The following PLEKHA5 variants were observed in gnomAD, a reference collection of about 807,000 sequenced individuals.
The protein encoded by PLEKHA5 is pleckstrin homology domain containing A5, also known as pleckstrin homology domain-containing family A member 5.
Under a neutral mutation model 181.9 loss-of-function variants are expected in PLEKHA5, and 55 were observed. The observed-to-expected ratio is 0.30, with a 90% CI of 0.24 to 0.38. The LOEUF is 0.38. Ranked by LOEUF, PLEKHA5 falls within the 10% of genes least tolerant of loss-of-function variation. The pLI, the probability that PLEKHA5 is intolerant of heterozygous loss-of-function variation, is 1.00. For synonymous variants in PLEKHA5, 535 were observed against 529.4 expected, an observed-to-expected ratio of 1.01 and a Z score of -0.15; for missense variants, 1,432 against 1,549.5, an observed-to-expected ratio of 0.92 and a Z score of 1.27.
intron 29 of PLEKHA5, among the ~76,000 whole-genome samples, chr12:19,362,850 T>TAC (rs2095298009): frequency 6.6e-6 from 1 of 152,064 alleles, no homozygotes; most frequent in Non-Finnish European, 1.5e-5. Context: ...CATCACTGCC[T>TAC]ATGCAGTCGG....
intron 15 of PLEKHA5, among the ~76,000 whole-genome samples, chr12:19,292,333 G>A (rs2078663238): frequency 6.6e-6 from 1 of 152,032 alleles, no homozygotes; most frequent in Admixed American, 6.5e-5. Context: ...TTGAACCCGG[G>A]AGGTGGAGGT....
intron 26 of PLEKHA5, among the ~76,000 whole-genome samples, chr12:19,355,665 T>C (rs1408073800): frequency 2.0e-5 from 3 of 152,016 alleles, no homozygotes; most frequent in Non-Finnish European, 2.9e-5. Flanking sequence ...ATGTTTTCAA[T>C]TAGTACAAAA....
intron 20 of PLEKHA5, among the ~76,000 whole-genome samples, chr12:19,326,302 A>T (rs2092074738): frequency 6.6e-6 from 1 of 152,356 alleles, no homozygotes; most frequent in Admixed American, 6.5e-5. Flanking sequence ...CATACTGGGC[A>T]TATGGTTGGC....
intron 3 of PLEKHA5, 62 bp from the exon 4 acceptor site, chr12:19,253,878 C>A: frequency 1.0e-6 from 1 of 977,198 alleles, no homozygotes; most frequent in Non-Finnish European, 1.6e-6. Context: ...ACTAATGTTA[C>A]AATAAATAAA....
intron 3 of PLEKHA5, among the ~76,000 whole-genome samples, chr12:19,226,604 A>G (rs2059728657): frequency 6.6e-6 from 1 of 152,166 alleles, no homozygotes; most frequent in South Asian, 2.1e-4. Flanking sequence ...TTCCAAATTA[A>G]ATTGTGAACA....
intron 3 of PLEKHA5, among the ~76,000 whole-genome samples, chr12:19,149,148 A>G (rs138612760): frequency 1.4e-4 from 22 of 152,320 alleles, no homozygotes; most frequent in African/African-American, 5.3e-4. Context: ...GAGACAATTA[A>G]TATATTATCA....
At chr12:19,354,574 G>A (rs563710581) in intron 26 of PLEKHA5, among the ~76,000 whole-genome samples, 8 of 147,440 alleles carry the variant, frequency 5.4e-5, no homozygotes, top group African/African-American at 7.5e-5. Flanking sequence ...TCTGCCTCCC[G>A]GGTTCACACC....
Position 19,368,956 on chromosome 12 carries a change from A to C in PLEKHA5, c.3755-737A>C, listed in dbSNP as rs200580468. Among the ~76,000 whole-genome samples, 4 of 4,680 alleles carry C rather than the reference A, an allele frequency of 8.5e-4. No individual in the cohort carries two copies. In the Non-Finnish European group the frequency reaches 0.25, roughly 292 times the overall value. 3.1% of individuals were successfully genotyped at this position (4,680 alleles called of 152,430 possible). On this transcript the variant is annotated intron_variant, in intron 30 of 31. Coordinates refer to ENST00000429027, the MANE Select transcript of PLEKHA5 (RefSeq NM_001256470.2). ...CCATAGTATTTAGCTGCATAGAACT[A>C]AAAAAAGTTCCAACAGAAAATTAAC... is the stretch of plus-strand genomic sequence containing the variant.
At chr12:19,304,583 A>G (rs2082593861) in intron 15 of PLEKHA5, among the ~76,000 whole-genome samples, 1 of 152,208 alleles carries the variant, frequency 6.6e-6, no homozygotes, top group African/African-American at 2.4e-5. Context: ...ATGCCAGGAT[A>G]GGACCATGGT....
chr12:19,140,033 T>A (rs1442675261), intron 3 of PLEKHA5, among the ~76,000 whole-genome samples: 1 of 152,180 alleles, frequency 6.6e-6, no homozygotes, highest in African/African-American at 2.4e-5. Context: ...GGCAAGGTCT[T>A]CCAATTAGTC....
intron 29 of PLEKHA5, among the ~76,000 whole-genome samples, chr12:19,364,434 C>T (rs890280658): frequency 5.3e-5 from 8 of 151,710 alleles, no homozygotes; most frequent in African/African-American, 1.9e-4. Context: ...TTGCTTGAGC[C>T]AGGGAGGCGG....
Position 19,274,745 on chromosome 12 carries a change from TATGAGAGTGGGTCAG to T in PLEKHA5, c.1076_1090del (p.Tyr359_Ala364delinsSer), listed in dbSNP as rs1565551415. The T allele has an allele frequency of 6.2e-7, 1 of 1,613,992 alleles. No individual in the cohort carries two copies. The highest frequency in any genetic ancestry group is 8.5e-7 in the Non-Finnish European group (1 of 1,179,974). On this transcript the variant is annotated inframe_deletion, in exon 11 of 32. Coordinates refer to ENST00000429027, the MANE Select transcript of PLEKHA5 (RefSeq NM_001256470.2). ...AAAGCTGAATTCTCTGCCATCTGAA[TATGAGAGTGGGTCAG>T]CATGCCCTGCTCAGACTGTGCACTA...
chr12:19,285,926 A>T (rs2077124596), intron 12 of PLEKHA5, among the ~76,000 whole-genome samples: 1 of 152,220 alleles, frequency 6.6e-6, no homozygotes, highest in Non-Finnish European at 1.5e-5. Flanking sequence ...TTTATTGTGA[A>T]ACATATTTTT....
At chr12:19,290,090 G>A (rs960938476) in intron 13 of PLEKHA5, among the ~76,000 whole-genome samples, 2 of 151,834 alleles carry the variant, frequency 1.3e-5, no homozygotes, top group African/African-American at 4.8e-5. Flanking sequence ...TTACAGTTGC[G>A]TGCCACCATG....
At chr12:19,259,927 A>T (rs1423716619) in intron 6 of PLEKHA5, among the ~76,000 whole-genome samples, 1 of 152,076 alleles carries the variant, frequency 6.6e-6, no homozygotes, top group Non-Finnish European at 1.5e-5. Flanking sequence ...TTTAGAAATA[A>T]TCAATGCACA....
chr12:19,352,560 C>A, intron 25 of PLEKHA5, among the ~76,000 whole-genome samples: 1 of 141,448 alleles, frequency 7.1e-6, no homozygotes, highest in Admixed American at 7.4e-5. Context: ...AGAGATGTAT[C>A]AGTATGACAA....
At chr12:19,358,834 G>A (rs1323219534) in intron 27 of PLEKHA5, among the ~76,000 whole-genome samples, 1 of 152,174 alleles carries the variant, frequency 6.6e-6, no homozygotes, top group Admixed American at 6.6e-5. Flanking sequence ...GATTTAACAT[G>A]ACCTAAATTG....
chr12:19,165,731 T>C (rs1385113059), intron 3 of PLEKHA5, among the ~76,000 whole-genome samples: 1 of 152,194 alleles, frequency 6.6e-6, no homozygotes, highest in Non-Finnish European at 1.5e-5. Context: ...TAGTAGTTTG[T>C]ACTGTCATTT....
At chr12:19,200,730 G>T in intron 3 of PLEKHA5, 3 of 958,970 alleles carry the variant, frequency 3.1e-6, no homozygotes, top group Non-Finnish European at 2.5e-6. Context: ...TTTGACAGAG[G>T]TACCCAAGGA....
Sources: gnomAD v4.1 joint callset for allele counts (sites outside exome capture counted in the v4.1 genomes callset) on GRCh38, gnomAD v4.1.1 for gene constraint, MANE v1.5 for transcripts, NCBI Gene and HGNC (gene_info 2026-07-23, HGNC 2026-07-21) for gene names.